ZNF423: variants seen among roughly 807,000 people sequenced by gnomAD.
ZNF423 encodes Ebf-associated zinc finger protein.
Under a neutral mutation model 95.8 loss-of-function variants are expected in ZNF423, and 12 were observed. That is an observed-to-expected ratio of 0.13 (90% CI 0.08 to 0.20). The LOEUF (loss-of-function observed/expected upper bound fraction) is 0.20. ZNF423 is among the 10% of genes least tolerant of loss of function. ZNF423 has a pLI of 1.00. For synonymous variants in ZNF423, 749 were observed against 711.9 expected, an observed-to-expected ratio of 1.05 and a Z score of -0.83; for missense variants, 1,316 against 1,737.1, an observed-to-expected ratio of 0.76 and a Z score of 4.31.
At chr16:49,679,235 C>T (rs991662288) in intron 3 of ZNF423, among the ~76,000 whole-genome samples, 1 of 152,246 alleles carries the variant, frequency 6.6e-6, no homozygotes, top group African/African-American at 2.4e-5. Context: ...GCAAAGATGC[C>T]AGCTGCAGTT....
intron 3 of ZNF423, among the ~76,000 whole-genome samples, chr16:49,678,699 G>A (rs2031224594): frequency 6.6e-6 from 1 of 152,136 alleles, no homozygotes; most frequent in Non-Finnish European, 1.5e-5. Flanking sequence ...CTCATAATTT[G>A]CACTGACAGA....
At position 49,536,561 on chromosome 16, in the gene ZNF423, G is replaced by A. The variant is rs561794707; in HGVS notation, c.3602-11067C>T. On this transcript the variant is annotated intron_variant, in intron 5 of 7. Coordinates refer to ENST00000563137, the MANE Select transcript of ZNF423 (RefSeq NM_001379286.1). ...GGGCTCAAGAGATCTTGCTGCCTCA[G>A]ACTCCTGAGCAGCTGGGACTGCCAG... Among the ~76,000 whole-genome samples the A allele has an allele frequency of 2.7e-5, 4 of 150,726 alleles. No homozygotes were observed. In the Admixed American group the frequency reaches 2.7e-4, roughly 10 times the overall value.
intron 4 of ZNF423, among the ~76,000 whole-genome samples, chr16:49,634,941 C>T (rs1396113909): frequency 6.6e-6 from 1 of 152,210 alleles, no homozygotes; most frequent in Non-Finnish European, 1.5e-5. Flanking sequence ...TCTGGTTCTC[C>T]TTGGCTCCCA....
chr16:49,689,579 G>A (rs1292055539), intron 3 of ZNF423, among the ~76,000 whole-genome samples: 1 of 152,122 alleles, frequency 6.6e-6, no homozygotes, highest in East Asian at 1.9e-4. Flanking sequence ...GGGTGTCACA[G>A]TGTCTGTGAC....
chr16:49,768,094 T>TC (rs1391080607), intron 2 of ZNF423, among the ~76,000 whole-genome samples: 1 of 152,224 alleles, frequency 6.6e-6, no homozygotes, highest in African/African-American at 2.4e-5. Context: ...CTGGCCCACT[T>TC]CCGCAGGCTG....
chr16:49,645,149 G>T (rs918886709), intron 3 of ZNF423, among the ~76,000 whole-genome samples: 1 of 152,112 alleles, frequency 6.6e-6, no homozygotes, highest in African/African-American at 2.4e-5. Context: ...AATTGCCAAG[G>T]AGACCAGTTC....
chr16:49,632,715 G>A (rs1220930526), intron 4 of ZNF423, among the ~76,000 whole-genome samples: 1 of 152,170 alleles, frequency 6.6e-6, no homozygotes, highest in African/African-American at 2.4e-5. Context: ...AAGGTTCCTG[G>A]ATTGTTGCTA....
intron 3 of ZNF423, among the ~76,000 whole-genome samples, chr16:49,713,179 C>T (rs2032597726): frequency 6.6e-6 from 1 of 152,164 alleles, no homozygotes; most frequent in Non-Finnish European, 1.5e-5. Context: ...AAGCTAAAAG[C>T]CCACAGTCAC....
chr16:49,738,613 G>C (rs999646661), intron 2 of ZNF423, among the ~76,000 whole-genome samples: 86 of 152,274 alleles, frequency 5.6e-4, no homozygotes, highest in African/African-American at 2.0e-3. Flanking sequence ...GAGGGGATAG[G>C]GGAGGCCAGA....
intron 5 of ZNF423, among the ~76,000 whole-genome samples, chr16:49,536,224 A>C (rs535551204): frequency 4.6e-5 from 7 of 151,896 alleles, no homozygotes; most frequent in Admixed American, 3.3e-4. Context: ...AAAGCAAAAA[A>C]CCCCCAGAGT....
chr16:49,789,367 T>C (rs889706487), intron 2 of ZNF423, 120 bp downstream of exon 2: 5 of 922,964 alleles, frequency 5.4e-6, no homozygotes, highest in South Asian at 1.6e-5. Flanking sequence ...GTAGTCTGGA[T>C]TGGAGGCAGG....
chr16:49,659,868 C>T (rs914799865), intron 3 of ZNF423, among the ~76,000 whole-genome samples: 1 of 152,194 alleles, frequency 6.6e-6, no homozygotes, highest in African/African-American at 2.4e-5. Flanking sequence ...TCCACGGTCC[C>T]CAAATGGTCC....
chr16:49,553,504 C>T (rs894800439), intron 5 of ZNF423, among the ~76,000 whole-genome samples: 2 of 152,024 alleles, frequency 1.3e-5, no homozygotes, highest in Non-Finnish European at 2.9e-5. Flanking sequence ...GCACCACCCC[C>T]ACGGGCTATT....
chr16:49,828,248 C>T (rs1597046635), intron 1 of ZNF423, among the ~76,000 whole-genome samples: 1 of 152,346 alleles, frequency 6.6e-6, no homozygotes, highest in Non-Finnish European at 1.5e-5. Flanking sequence ...TAGAATCTCA[C>T]TTGTCCTCAA....
chr16:49,637,104 A>AC lies in ZNF423; in HGVS notation c.2071dup (p.Val691GlyfsTer24). 6.2e-7 allele frequency: 1 copy of AC among 1,613,536 alleles called. No individual in the cohort carries two copies. Among genetic ancestry groups the AC allele is most frequent in the Non-Finnish European group, 8.5e-7 (1 of 1,179,980 alleles). On this transcript the variant is annotated frameshift_variant, in exon 4 of 8. Transcript: ENST00000563137. LOFTEE classifies it high-confidence loss of function. The surrounding 1 kb of genome is among the most constrained non-coding windows in gnomAD (Gnocchi z 5.6). ...GTGGGTCGACGTGGTCATGTAATGC[A>AC]CTGTCAGGTGCTGCAGGAGGGACTC... is the stretch of plus-strand genomic sequence containing the variant.
At chr16:49,569,591 C>G (rs1277721114) in intron 5 of ZNF423, among the ~76,000 whole-genome samples, 4 of 152,150 alleles carry the variant, frequency 2.6e-5, no homozygotes, top group African/African-American at 9.7e-5. Flanking sequence ...AGGCTTGTTG[C>G]AACAGCCATG....
rs78442687 is a variant in ZNF423, at chr16:49,732,099, C to A, written c.101-1128G>T. 7.6e-3 allele frequency among the ~76,000 whole-genome samples: 1,154 copies of A among 152,198 alleles called. 19 individuals carry two copies. Among genetic ancestry groups the A allele is most frequent in the African/African-American group, 0.026 (1,100 of 41,510 alleles). Reference sequence around the variant, plus strand: ...GGCTCAAAGGATCATGTGATCCAACCCCCTGCAGAGAGGGACAGCTTTGTC... The same window carrying A: ...GGCTCAAAGGATCATGTGATCCAACACCCTGCAGAGAGGGACAGCTTTGTC... On this transcript the variant is annotated intron_variant, in intron 2 of 7. Coordinates refer to ENST00000563137, the MANE Select transcript of ZNF423 (RefSeq NM_001379286.1).
At chr16:49,580,022 A>T (rs1970620178) in intron 5 of ZNF423, among the ~76,000 whole-genome samples, 1 of 152,160 alleles carries the variant, frequency 6.6e-6, no homozygotes, top group Non-Finnish European at 1.5e-5. Flanking sequence ...CACCCACGGG[A>T]CCCTGAGCTT....
intron 3 of ZNF423, among the ~76,000 whole-genome samples, chr16:49,654,191 C>T (rs570193607): frequency 1.4e-4 from 21 of 152,282 alleles, no homozygotes; most frequent in East Asian, 3.9e-4. Context: ...AGATGTATAC[C>T]GAGCATGCCT....
Sources: allele counts gnomAD v4.1 joint callset (sites outside exome capture counted in the v4.1 genomes callset), GRCh38; gene constraint gnomAD v4.1.1; non-coding constraint Gnocchi (gnomAD v3.1); transcripts MANE v1.5; gene names NCBI Gene and HGNC (gene_info 2026-07-23, HGNC 2026-07-21).